Variants in QPCT observed in about 807,000 individuals in gnomAD.
QPCT encodes EC.
QPCT carries 44 observed loss-of-function variants against 43.4 expected under a neutral mutation model. The ratio of observed to expected loss-of-function variants is 1.01; its 90% CI spans 0.80 to 1.30. The LOEUF is 1.30. QPCT is among the 50% of genes most tolerant of loss of function. QPCT has a pLI of 0.00. For missense variants in QPCT, 526 were observed against 436.5 expected, an observed-to-expected ratio of 1.21 and a Z score of -1.83; for synonymous variants, 168 against 168.4, an observed-to-expected ratio of 1.00 and a Z score of 0.02.
intron 2 of QPCT, among the ~76,000 whole-genome samples, chr2:37,355,391 A>G (rs1283301021): frequency 6.6e-6 from 1 of 151,546 alleles, no homozygotes; most frequent in African/African-American, 2.4e-5. Context: ...AAATGATTGA[A>G]CCTTTTTTTT....
chr2:37,361,269 G>T (rs1284376236), intron 3 of QPCT, among the ~76,000 whole-genome samples: 5 of 152,078 alleles, frequency 3.3e-5, no homozygotes, highest in Admixed American at 3.3e-4. Flanking sequence ...TCATGGATTG[G>T]GTAGACGGTG....
intron 3 of QPCT, among the ~76,000 whole-genome samples, chr2:37,366,666 C>G (rs1389994964): frequency 3.9e-5 from 6 of 152,198 alleles, no homozygotes; most frequent in Admixed American, 3.9e-4. Context: ...GGCCTTGGAT[C>G]AACACAGGTA....
intron 3 of QPCT, among the ~76,000 whole-genome samples, chr2:37,364,259 G>T (rs1024882960): frequency 6.6e-6 from 1 of 152,132 alleles, no homozygotes; most frequent in African/African-American, 2.4e-5. Flanking sequence ...AATCAAGAAA[G>T]AAATCAAGGA....
intron 2 of QPCT, among the ~76,000 whole-genome samples, chr2:37,358,020 C>A (rs998304835): frequency 4.7e-5 from 7 of 148,336 alleles, no homozygotes; most frequent in African/African-American, 1.7e-4. Context: ...AATTGAAGGA[C>A]AAATTGTCAG....
intron 4 of QPCT, 134 bp from the exon 5 acceptor site, chr2:37,369,551 G>T (rs1673030216): frequency 4.5e-6 from 3 of 664,098 alleles, no homozygotes; most frequent in Non-Finnish European, 7.9e-6. Flanking sequence ...GTAAATCTTT[G>T]GTTCATTCAT....
chr2:37,369,623 C>T, intron 4 of QPCT, 62 bp from the exon 5 acceptor site: 1 of 1,226,146 alleles, frequency 8.2e-7, no homozygotes, highest in South Asian at 1.2e-5. Flanking sequence ...TTGTATTTCC[C>T]TGTTGATGAA....
Position 37,369,713 on chromosome 2 carries a change from G to C in QPCT, c.752G>C (p.Gly251Ala). The change falls in exon 5 of 7, where the codon GGA becomes GCA. Residue 251 changes from glycine (G) to alanine (A), a missense_variant. Transcript: ENST00000338415. ...MDLLVLLDLIGAPNPTFPNFF... is the reference protein window; with the variant it reads ...MDLLVLLDLIAAPNPTFPNFF... Reference sequence around the variant, plus strand: ...TTATTGGTCTTATTGGATTTGATTGGAGCTCCAAACCCAACGTTTCCCAAT... The same window carrying C: ...TTATTGGTCTTATTGGATTTGATTGCAGCTCCAAACCCAACGTTTCCCAAT... 1 of 1,606,468 alleles carries C rather than the reference G, an allele frequency of 6.2e-7. No individual in the cohort carries two copies. Among genetic ancestry groups the C allele is most frequent in the Non-Finnish European group, 8.5e-7 (1 of 1,173,040 alleles).
intron 3 of QPCT, among the ~76,000 whole-genome samples, chr2:37,364,767 C>T (rs1032712093): frequency 2.0e-5 from 3 of 151,926 alleles, no homozygotes; most frequent in African/African-American, 7.3e-5. Flanking sequence ...ACACTTTGTT[C>T]GAGGTGTCTA....
intron 1 of QPCT, among the ~76,000 whole-genome samples, chr2:37,350,394 C>A (rs1267818118): frequency 6.6e-6 from 1 of 152,214 alleles, no homozygotes; most frequent in Non-Finnish European, 1.5e-5. Flanking sequence ...GCTTTCTTTT[C>A]CAACTGTTGT....
chr2:37,356,094 T>A (rs929111617), intron 2 of QPCT, among the ~76,000 whole-genome samples: 4 of 152,128 alleles, frequency 2.6e-5, no homozygotes, highest in Non-Finnish European at 4.4e-5. Flanking sequence ...TCCAAGCAAA[T>A]CTGGTCTACT....
At chr2:37,346,596 T>G (rs1468875642) in intron 1 of QPCT, among the ~76,000 whole-genome samples, 1 of 152,222 alleles carries the variant, frequency 6.6e-6, no homozygotes, top group East Asian at 1.9e-4. Context: ...GAATTTAACT[T>G]TTGAGAAACG....
At chr2:37,356,585 C>G (rs904050163) in intron 2 of QPCT, among the ~76,000 whole-genome samples, 1 of 152,134 alleles carries the variant, frequency 6.6e-6, no homozygotes, top group African/African-American at 2.4e-5. Flanking sequence ...GACTTGTAGA[C>G]TAAGTCTGAA....
intron 2 of QPCT, among the ~76,000 whole-genome samples, chr2:37,357,631 T>A (rs1252240898): frequency 6.6e-6 from 1 of 152,230 alleles, no homozygotes; most frequent in Non-Finnish European, 1.5e-5. Context: ...AGGTACTGCA[T>A]GCACAATGCT....
intron 1 of QPCT, among the ~76,000 whole-genome samples, chr2:37,351,383 G>A (rs1672621818): frequency 6.6e-6 from 1 of 152,122 alleles, no homozygotes; most frequent in African/African-American, 2.4e-5. Context: ...ATGAATGAAT[G>A]GTTCATCATT....
chr2:37,367,192 CA>C (rs778475005), intron 3 of QPCT, 39 bp from the exon 4 acceptor site: 1 of 1,551,594 alleles, frequency 6.4e-7, no homozygotes, highest in South Asian at 1.2e-5. Context: ...TTCATCATCA[CA>C]GTATTTTTTT....
Position 37,352,898 on chromosome 2 carries a change from G to C in QPCT, c.230G>C (p.Arg77Pro). ...QNDLQPLLIE[R>P]YPGSPGSYAA... is the part of the protein sequence containing the mutation. Reference sequence around the variant, plus strand: ...GACTTACAGCCATTGCTGATAGAGCGATACCCGGGATCCCCTGGAAGCTAT... The same window carrying C: ...GACTTACAGCCATTGCTGATAGAGCCATACCCGGGATCCCCTGGAAGCTAT... The change falls in exon 2 of 7, where the codon CGA becomes CCA. Residue 77 changes from arginine to proline, a missense_variant. Arg to Pro is a moderately radical substitution (Grantham distance 103, BLOSUM62 -2). Coordinates refer to ENST00000338415, the MANE Select transcript of QPCT (RefSeq NM_012413.4). The C allele has an allele frequency of 1.9e-6, 3 of 1,614,048 alleles. No individual in the cohort carries two copies. In the South Asian group the frequency reaches 3.3e-5, roughly 18 times the overall value.
chr2:37,353,057 A>G, intron 2 of QPCT, 122 bp downstream of exon 2: 2 of 1,178,086 alleles, frequency 1.7e-6, no homozygotes, highest in Non-Finnish European at 2.3e-6. Context: ...TCATTCACCA[A>G]ATAGTCAACC....
chr2:37,369,795 C>G lies in QPCT; in HGVS notation c.823+11C>G. The G allele has an allele frequency of 6.5e-7, 1 of 1,533,624 alleles. No individual in the cohort carries two copies. Among genetic ancestry groups the G allele is most frequent in the East Asian group, 2.2e-5 (1 of 44,450 alleles). ...GACTTCAAGCAATTGGTAAGCACCACTGTTATTAATGAATAAAACATCATT... is the reference window on the plus strand; with the variant it reads ...GACTTCAAGCAATTGGTAAGCACCAGTGTTATTAATGAATAAAACATCATT... On this transcript the variant is annotated intron_variant, in intron 5 of 6. Transcript: ENST00000338415.
At position 37,344,684 on chromosome 2, in the gene QPCT, G is replaced by A. The variant is rs376655508; in HGVS notation, c.-48G>A. 2 of 1,560,800 alleles carry A rather than the reference G, an allele frequency of 1.3e-6. No individual in the cohort carries two copies. Among genetic ancestry groups the A allele is most frequent in the African/African-American group, 2.7e-5 (2 of 72,884 alleles). On this transcript the variant is annotated 5_prime_UTR_variant, in exon 1 of 7. It adds an upstream start codon to the 5' untranslated region. Coordinates refer to ENST00000338415, the MANE Select transcript of QPCT (RefSeq NM_012413.4). ...GCGAAGGACGCGCGTTCCCGGGCTC[G>A]TGACCGCCAGCGGCCCGGGGAACCC...
Sources: gnomAD v4.1 joint callset for allele counts (sites outside exome capture counted in the v4.1 genomes callset) on GRCh38, gnomAD v4.1.1 for gene constraint, MANE v1.5 for transcripts, NCBI Gene and HGNC (gene_info 2026-07-23, HGNC 2026-07-21) for gene names.